The following KCTD1 variants were observed in gnomAD, a reference collection of about 807,000 sequenced individuals.
The protein encoded by KCTD1 is potassium channel tetramerization domain containing 1, also known as BTB/POZ domain-containing protein KCTD1.
KCTD1 carries 24 observed loss-of-function variants against 66.0 expected under a neutral mutation model. The ratio of observed to expected loss-of-function variants is 0.36; its 90% CI spans 0.26 to 0.51. The LOEUF (loss-of-function observed/expected upper bound fraction) is 0.51, where lower values mean the gene tolerates loss of function less well. KCTD1 is among the 20% of genes least tolerant of loss of function. The probability of loss-of-function intolerance (pLI) is 0.95; values close to 1 mark genes in which losing one functional copy is unlikely to be tolerated. For synonymous variants in KCTD1, 511 were observed against 517.2 expected (o/e 0.99, Z 0.16); for missense variants, 943 against 1,205.2 (o/e 0.78, Z 3.22).
upstream of KCTD1, among the ~76,000 whole-genome samples, chr18:26,644,974 G>T (rs1327438581): frequency 6.6e-6 from 1 of 152,192 alleles, no homozygotes; most frequent in African/African-American, 2.4e-5. Flanking sequence ...ACATGAAGCA[G>T]AAGTGAGGGG....
chr18:26,503,295 T>C (rs2144687671), intron 1 of KCTD1, among the ~76,000 whole-genome samples: 1 of 152,076 alleles, frequency 6.6e-6, no homozygotes, highest in African/African-American at 2.4e-5. Flanking sequence ...TAAAGGGGTA[T>C]TGGGTATTGG....
At chr18:26,643,531 T>C (rs1018393899), upstream of KCTD1, among the ~76,000 whole-genome samples, 1 of 151,594 alleles carries the variant, frequency 6.6e-6, no homozygotes, top group Non-Finnish European at 1.5e-5. Flanking sequence ...ATAGAGGGAG[T>C]GGACATCTCA....
chr18:26,616,381 T>C (rs1036726008), intron 1 of KCTD1, among the ~76,000 whole-genome samples: 4 of 151,996 alleles, frequency 2.6e-5, no homozygotes, highest in Admixed American at 1.3e-4. Context: ...ATTGTTGTTT[T>C]ATATGCCTAT....
At chr18:26,605,958 G>T (rs1333910446) in intron 1 of KCTD1, among the ~76,000 whole-genome samples, 4 of 152,130 alleles carry the variant, frequency 2.6e-5, no homozygotes, top group Non-Finnish European at 1.5e-5. Flanking sequence ...TGCCCAAGGT[G>T]GTTGGGGCAT....
At chr18:26,656,416 CT>C (rs1988142244) in intron 1 of KCTD1, among the ~76,000 whole-genome samples, 1 of 152,006 alleles carries the variant, frequency 6.6e-6, no homozygotes, top group Non-Finnish European at 1.5e-5. Context: ...GGAATAAGAG[CT>C]TTTTAAAAAT....
intron 1 of KCTD1, among the ~76,000 whole-genome samples, chr18:26,609,730 T>G (rs1291042874): frequency 6.6e-6 from 1 of 152,218 alleles, no homozygotes; most frequent in Non-Finnish European, 1.5e-5. Context: ...TCTCAGTGAC[T>G]GAAACTACAG....
rs1985306695 is a variant in KCTD1, at chr18:26,547,502, G to A, written c.1035C>T (p.Phe345=). The A allele has an allele frequency of 1.9e-6, 3 of 1,551,398 alleles. No homozygotes were observed. The highest frequency in any genetic ancestry group is 2.6e-6 in the Non-Finnish European group (3 of 1,147,000). Residue 345 remains phenylalanine (F), a synonymous_variant, in exon 1 of 5, where the codon TTC becomes TTT. Transcript: ENST00000580059. The stretch of plus-strand genomic sequence containing the variant: ...AGGGCCCGAGGGACTTGAAGTAGAC[G>A]AACTTGCGACCGTCCTCGTCCATGG... ...GLAMDEDGRK[F]VYFKSLGPYH... is the part of the protein sequence containing the mutation.
intron 1 of KCTD1, among the ~76,000 whole-genome samples, chr18:26,606,069 T>G (rs1987008156): frequency 6.6e-6 from 1 of 152,136 alleles, no homozygotes. Context: ...AGGTCATAGG[T>G]AGATTTAAAA....
intron 2 of KCTD1, among the ~76,000 whole-genome samples, chr18:26,498,336 C>T (rs553547547): frequency 1.3e-4 from 20 of 151,800 alleles, no homozygotes; most frequent in African/African-American, 3.4e-4. Context: ...AAGAGACACT[C>T]GCTTTTTTAT....
intron 4 of KCTD1, 175 bp downstream of exon 4, chr18:26,459,445 C>A: frequency 1.6e-6 from 1 of 621,902 alleles, no homozygotes; most frequent in Non-Finnish European, 2.7e-6. Flanking sequence ...GCACCTGGCA[C>A]AATCACAAGA....
intron 2 of KCTD1, among the ~76,000 whole-genome samples, chr18:26,497,531 A>G (rs1982541962): frequency 6.6e-6 from 1 of 152,232 alleles, no homozygotes; most frequent in Non-Finnish European, 1.5e-5. Context: ...CTATGGGAAA[A>G]GCATGAAGAA....
At chr18:26,466,710 T>C (rs1300278752) in intron 3 of KCTD1, among the ~76,000 whole-genome samples, 1 of 152,236 alleles carries the variant, frequency 6.6e-6, no homozygotes, top group Non-Finnish European at 1.5e-5. Context: ...ATTCCTAGCA[T>C]CATTAATGGT....
chr18:26,461,933 A>G (rs1270033985), intron 3 of KCTD1, among the ~76,000 whole-genome samples: 1 of 152,156 alleles, frequency 6.6e-6, no homozygotes, highest in Non-Finnish European at 1.5e-5. Context: ...CCTGGCCAAC[A>G]TGACGAAACC....
intron 2 of KCTD1, among the ~76,000 whole-genome samples, chr18:26,498,369 G>C (rs546012351): frequency 2.0e-5 from 3 of 151,528 alleles, no homozygotes; most frequent in Non-Finnish European, 4.4e-5. Context: ...CAGGTTAGGG[G>C]AGGGGTAGGT....
chr18:26,596,460 T>G (rs1568004719), intron 1 of KCTD1, among the ~76,000 whole-genome samples: 1 of 152,250 alleles, frequency 6.6e-6, no homozygotes, highest in African/African-American at 2.4e-5. Flanking sequence ...TCACCTAGTC[T>G]ATGCTATTTT....
At chr18:26,602,937 T>C (rs955404822) in intron 1 of KCTD1, among the ~76,000 whole-genome samples, 14 of 151,904 alleles carry the variant, frequency 9.2e-5, no homozygotes, top group Admixed American at 7.9e-4. Context: ...CATAGACAAA[T>C]GGAACAGAAT....
At chr18:26,605,496 G>C (rs1986991495) in intron 1 of KCTD1, among the ~76,000 whole-genome samples, 1 of 151,742 alleles carries the variant, frequency 6.6e-6, no homozygotes, top group Non-Finnish European at 1.5e-5. Context: ...TATCTTTTCT[G>C]AAATAAATAT....
rs116478075 is a variant in KCTD1, at chr18:26,628,866, G to A, written c.-16+281C>T. ...ATCACCACAATTTGGTTTAAATCTG[G>A]GACAGAATGATAATTTTGTTAGTTC... On this transcript the variant is annotated intron_variant, in intron 1 of 4. Coordinates refer to the KCTD1 transcript ENST00000317932. 8.2e-3 allele frequency among the ~76,000 whole-genome samples: 1,254 copies of A among 152,222 alleles called. 19 individuals carry two copies. Among genetic ancestry groups the A allele is most frequent in the African/African-American group, 0.028 (1,160 of 41,520 alleles).
intron 3 of KCTD1, among the ~76,000 whole-genome samples, chr18:26,463,872 A>G (rs1980579941): frequency 6.6e-6 from 1 of 152,176 alleles, no homozygotes; most frequent in African/African-American, 2.4e-5. Context: ...AAGATTTACA[A>G]TGATTTTTTT....
Sources: allele counts gnomAD v4.1 joint callset (sites outside exome capture counted in the v4.1 genomes callset), GRCh38; gene constraint gnomAD v4.1.1; transcripts MANE v1.5; gene names NCBI Gene and HGNC (gene_info 2026-07-23, HGNC 2026-07-21).